MRC2: variants seen among roughly 807,000 people sequenced by gnomAD.
MRC2 encodes the protein C-type mannose receptor 2.
Under a neutral mutation model 206.2 loss-of-function variants are expected in MRC2, and 84 were observed. That is an observed-to-expected ratio of 0.41 (90% CI 0.34 to 0.49). MRC2 has a LOEUF of 0.49. MRC2 is among the 20% of genes least tolerant of loss of function. MRC2 has a pLI of 0.31. For missense variants in MRC2, 1,676 were observed against 2,001.5 expected (o/e 0.84, Z 3.10); for synonymous variants, 798 against 800.0 (o/e 1.00, Z 0.04).
intron 1 of MRC2, among the ~76,000 whole-genome samples, chr17:62,633,385 C>T (rs2088269373): frequency 6.6e-6 from 1 of 151,684 alleles, no homozygotes; most frequent in Admixed American, 6.6e-5. Context: ...CGCCTGTAGT[C>T]CCAGCTACTC....
intron 28 of MRC2, 152 bp downstream of exon 28, chr17:62,691,280 A>C: frequency 1.1e-6 from 1 of 901,716 alleles, no homozygotes; most frequent in Non-Finnish European, 1.6e-6. Flanking sequence ...CCCCGGGATA[A>C]ATTAGTCAGT....
intron 1 of MRC2, among the ~76,000 whole-genome samples, chr17:62,645,525 A>AT (rs1181105850): frequency 0.018 from 709 of 38,498 alleles, 11 homozygotes; most frequent in Non-Finnish European, 0.028. Flanking sequence ...ATATATATAT[A>AT]TATTTTTTTT....
In MRC2 at chr17:62,627,819, C is replaced by A; in HGVS notation, c.17C>A (p.Pro6Gln). The change falls in exon 1 of 30, where the codon CCG (proline) becomes CAG (glutamine). Residue 6 changes from proline (P) to glutamine (Q), a missense_variant. Transcript: ENST00000303375. ...CGCTCGGGGATGGGGCCCGGCCGGC[C>A]GGCCCCCGCGCCCTGGCCTCGTCAC... is the stretch of plus-strand genomic sequence containing the variant. MGPGR[P>Q]APAPWPRHLL... 6.9e-7 allele frequency: 1 copy of A among 1,447,570 alleles called. No homozygotes were observed. The highest frequency in any genetic ancestry group is 9.0e-7 in the Non-Finnish European group (1 of 1,108,474). The allele number at this position is 1,447,570 out of a possible 1,614,324, so 89.7% of individuals were successfully genotyped here.
intron 1 of MRC2, among the ~76,000 whole-genome samples, chr17:62,648,176 G>T (rs1277212934): frequency 5.3e-5 from 8 of 152,222 alleles, no homozygotes. Flanking sequence ...GGCCCAGGCG[G>T]GCGGATCACT....
chr17:62,634,941 T>C (rs2147428117), intron 1 of MRC2, among the ~76,000 whole-genome samples: 1 of 150,538 alleles, frequency 6.6e-6, no homozygotes, highest in East Asian at 2.0e-4. Context: ...GGCGATTCTC[T>C]TGCCTCAGCT....
chr17:62,660,697 A>G (rs2147459310), intron 1 of MRC2, among the ~76,000 whole-genome samples: 1 of 152,346 alleles, frequency 6.6e-6, no homozygotes, highest in East Asian at 1.9e-4. Flanking sequence ...ACTGCCTGCC[A>G]TAACAAAATC....
chr17:62,645,463 GTATA>G (rs1237208224), intron 1 of MRC2, among the ~76,000 whole-genome samples: 2 of 131,272 alleles, frequency 1.5e-5, no homozygotes, highest in Non-Finnish European at 3.1e-5. Flanking sequence ...TATTGTGTGT[GTATA>G]TATACACATA....
chr17:62,653,027 C>T (rs1184347695), intron 1 of MRC2, among the ~76,000 whole-genome samples: 1 of 152,046 alleles, frequency 6.6e-6, no homozygotes, highest in Non-Finnish European at 1.5e-5. Context: ...CAAGGTGTGC[C>T]CGCCCCCGGG....
At chr17:62,653,875 T>A (rs765460872) in intron 1 of MRC2, among the ~76,000 whole-genome samples, 2 of 151,998 alleles carry the variant, frequency 1.3e-5, no homozygotes, top group Non-Finnish European at 2.9e-5. Context: ...CCGTCCTCCA[T>A]GGAAGCAATG....
At position 62,688,959 on chromosome 17, in the gene MRC2, G is replaced by T; in HGVS notation, c.3333G>T (p.Thr1111=). 6.2e-7 allele frequency: 1 copy of T among 1,612,724 alleles called. No individual in the cohort carries two copies. Among genetic ancestry groups the T allele is most frequent in the South Asian group, 1.1e-5 (1 of 90,844 alleles). The part of the protein sequence containing the change: ...ETHGFICQKG[T]DPSLSPSPAA... ...ATGGCTTCATCTGCCAGAAGGGCACGGGTATGTGTCACCAGTCACCTGGGA... is the reference window on the plus strand; with the variant it reads ...ATGGCTTCATCTGCCAGAAGGGCACTGGTATGTGTCACCAGTCACCTGGGA... The change falls in exon 23 of 30, where the codon ACG becomes ACT. Residue 1111 remains threonine (T), a splice_region_variant and synonymous_variant. Transcript: ENST00000303375.
chr17:62,630,860 G>T (rs981573823), intron 1 of MRC2, among the ~76,000 whole-genome samples: 1 of 152,098 alleles, frequency 6.6e-6, no homozygotes, highest in East Asian at 1.9e-4. Flanking sequence ...CTGCTGAGTC[G>T]TGGGGTTCGG....
Position 62,680,351 on chromosome 17 carries a change from G to T in MRC2, c.2437+43G>T, listed in dbSNP as rs1477590080. 6.2e-7 allele frequency: 1 copy of T among 1,613,668 alleles called. No individual in the cohort carries two copies. Among genetic ancestry groups the T allele is most frequent in the Non-Finnish European group, 8.5e-7 (1 of 1,179,700 alleles). On this transcript the variant is annotated intron_variant, in intron 15 of 29. Transcript: ENST00000303375. This position sits in a 1 kb window ranked among gnomAD's most constrained non-coding sequence, Gnocchi z 4.8. ...TGGGGGACGCGGGATGGAGCGAAGGGTGGCGGGGCCAGGAATTCCAGGGAG... is the reference window on the plus strand; with the variant it reads ...TGGGGGACGCGGGATGGAGCGAAGGTTGGCGGGGCCAGGAATTCCAGGGAG...
intron 6 of MRC2, among the ~76,000 whole-genome samples, chr17:62,669,927 G>C (rs2088806893): frequency 6.6e-6 from 1 of 152,196 alleles, no homozygotes; most frequent in Admixed American, 6.5e-5. Flanking sequence ...TGAAACGTCA[G>C]CAACCCGATC....
chr17:62,669,538 T>C (rs969977686), intron 6 of MRC2, among the ~76,000 whole-genome samples: 1 of 150,256 alleles, frequency 6.7e-6, no homozygotes, highest in African/African-American at 2.5e-5. Flanking sequence ...TTTTTATTTA[T>C]TTATTTTTTG....
rs1182890498 is a variant in MRC2, at chr17:62,627,928, G to T, written c.118+8G>T. 1.4e-6 allele frequency: 2 copies of T among 1,426,098 alleles called. No individual in the cohort carries two copies. Among genetic ancestry groups the T allele is most frequent in the Middle Eastern group, 1.8e-4 (1 of 5,548 alleles). 88.3% of individuals were successfully genotyped at this position (1,426,098 alleles called of 1,614,324 possible). A position where few individuals can be genotyped will look rare whatever the true frequency, so the allele number is the denominator to read the frequency against. Reference sequence around the variant, plus strand: ...GGGACGCCGCCCTCCCGGGTAAGGCGCTGCCAACTTGGCCAACTTCAGGGC... The same window carrying T: ...GGGACGCCGCCCTCCCGGGTAAGGCTCTGCCAACTTGGCCAACTTCAGGGC... On this transcript the variant is annotated splice_region_variant and intron_variant, in intron 1 of 29. Coordinates refer to ENST00000303375, the MANE Select transcript of MRC2 (RefSeq NM_006039.5).
intron 1 of MRC2, among the ~76,000 whole-genome samples, chr17:62,648,190 G>A (rs1208978782): frequency 6.6e-6 from 1 of 152,212 alleles, no homozygotes; most frequent in East Asian, 1.9e-4. Flanking sequence ...GATCACTTGA[G>A]GTCAGGAGTT....
Position 62,692,219 on chromosome 17 carries a change from T to G in MRC2, c.4220-12T>G. On this transcript the variant is annotated splice_polypyrimidine_tract_variant and intron_variant, in intron 29 of 29. Transcript: ENST00000303375. This position sits in a 1 kb window ranked among gnomAD's most constrained non-coding sequence, Gnocchi z 4.2. Reference sequence around the variant, plus strand: ...CGCCCACTTGGCCTTTCACGCCCACTCGCCTTGGCAGCGCTTCCAGAGAAC... The same window carrying G: ...CGCCCACTTGGCCTTTCACGCCCACGCGCCTTGGCAGCGCTTCCAGAGAAC... 1 of 1,612,752 alleles carries G rather than the reference T, an allele frequency of 6.2e-7. No individual in the cohort carries two copies. The highest frequency in any genetic ancestry group is 1.1e-5 in the South Asian group (1 of 90,952).
At chr17:62,639,731 G>A (rs1598967225) in intron 1 of MRC2, among the ~76,000 whole-genome samples, 2 of 152,072 alleles carry the variant, frequency 1.3e-5, no homozygotes, top group South Asian at 4.2e-4. Flanking sequence ...CTTAAGCAAT[G>A]CTCCCGCCTA....
At chr17:62,689,487 A>C in intron 23 of MRC2, 35 bp from the exon 24 acceptor site, 2 of 1,394,726 alleles carry the variant, frequency 1.4e-6, no homozygotes, top group Non-Finnish European at 2.0e-6. Flanking sequence ...TGAGGGAAGC[A>C]GAGCCCAGCC....
Sources: allele counts gnomAD v4.1 joint callset (sites outside exome capture counted in the v4.1 genomes callset), GRCh38; gene constraint gnomAD v4.1.1; non-coding constraint Gnocchi (gnomAD v3.1); transcripts MANE v1.5; gene names NCBI Gene and HGNC (gene_info 2026-07-23, HGNC 2026-07-21).